The following ACBD6 variants were observed in gnomAD, a reference collection of about 807,000 sequenced individuals.
ACBD6 encodes acyl-CoA-binding domain-containing protein 6.
Under a neutral mutation model 37.2 loss-of-function variants are expected in ACBD6, and 28 were observed. The ratio of observed to expected loss-of-function variants is 0.75; its 90% CI spans 0.56 to 1.03. The LOEUF (loss-of-function observed/expected upper bound fraction) is 1.03, where lower values mean the gene tolerates loss of function less well. Ranked by LOEUF, ACBD6 falls within the 50% of genes least tolerant of loss-of-function variation. The pLI, the probability that ACBD6 is intolerant of heterozygous loss-of-function variation, is 0.00. For missense variants in ACBD6, 340 were observed against 337.4 expected (o/e 1.01, Z -0.06); for synonymous variants, 113 against 126.8 (o/e 0.89, Z 0.73).
At position 180,274,169 on chromosome 1, in the gene ACBD6, G is replaced by A. The variant is rs1047170509; in HGVS notation, c.*937-57C>T. ...TCCTGGCAGCTGACAATAAATCTCC[G>A]TTCTTTTGTCCACAGAGGATCAAAT... On this transcript the variant is annotated intron_variant, in intron 10 of 13. Coordinates refer to the ACBD6 transcript ENST00000642319. 9.3e-6 allele frequency: 15 copies of A among 1,614,148 alleles called. No homozygotes were observed. In the East Asian group the frequency reaches 1.1e-4, roughly 12 times the overall value.
intron 3 of ACBD6, among the ~76,000 whole-genome samples, chr1:180,448,859 T>C (rs60517222): frequency 6.6e-6 from 1 of 152,300 alleles, no homozygotes; most frequent in East Asian, 1.9e-4. Context: ...CTGGTAGCTG[T>C]TGGTGGTTTG....
At chr1:180,301,935 G>C (rs966689048) in intron 7 of ACBD6, among the ~76,000 whole-genome samples, 1 of 151,858 alleles carries the variant, frequency 6.6e-6, no homozygotes, top group African/African-American at 2.4e-5. Flanking sequence ...ATTTAATATT[G>C]CATTTTTACA....
chr1:180,478,962 A>G (rs1006692972), intron 3 of ACBD6, among the ~76,000 whole-genome samples: 1 of 151,988 alleles, frequency 6.6e-6, no homozygotes, highest in Admixed American at 6.6e-5. Context: ...CCCCATCTCT[A>G]CCAAAGAAAA....
chr1:180,297,069 C>T (rs571205162), intron 7 of ACBD6, among the ~76,000 whole-genome samples: 6 of 152,144 alleles, frequency 3.9e-5, no homozygotes, highest in African/African-American at 1.4e-4. Context: ...AGCAGAACTC[C>T]CCAGGGGTTT....
At chr1:180,481,689 T>G (rs182297065) in intron 3 of ACBD6, among the ~76,000 whole-genome samples, 1 of 152,002 alleles carries the variant, frequency 6.6e-6, no homozygotes, top group East Asian at 1.9e-4. Flanking sequence ...ATACTGAGCA[T>G]AAGTTATGCC....
At chr1:180,371,074 T>A (rs1405020453) in intron 6 of ACBD6, among the ~76,000 whole-genome samples, 1 of 152,062 alleles carries the variant, frequency 6.6e-6, no homozygotes, top group Non-Finnish European at 1.5e-5. Flanking sequence ...AACTGAAAAT[T>A]TATCATAGAT....
At chr1:180,318,455 G>A (rs773875806) in intron 6 of ACBD6, among the ~76,000 whole-genome samples, 1 of 151,900 alleles carries the variant, frequency 6.6e-6, no homozygotes, top group Non-Finnish European at 1.5e-5. Context: ...TTTTGATTCT[G>A]GACTATAAGT....
intron 3 of ACBD6, among the ~76,000 whole-genome samples, chr1:180,459,564 T>C (rs1650050261): frequency 1.3e-5 from 2 of 152,228 alleles, no homozygotes; most frequent in Admixed American, 6.5e-5. Context: ...TCACTAATAG[T>C]TGTTAGTACA....
Position 180,413,313 on chromosome 1 carries a change from G to A in ACBD6, c.573+53C>T, listed in dbSNP as rs752660554. The A allele has an allele frequency of 2.0e-4, 280 of 1,397,742 alleles. 1 individual carries two copies. The highest frequency in any genetic ancestry group is 1.0e-4 in the Admixed American group (6 of 59,608). 86.6% of individuals were successfully genotyped at this position (1,397,742 alleles called of 1,614,324 possible). ...GGCCTACCATTTAGGAAAAGGCACTGGGGCAGAACAACCATGCATAGGAAA... is the reference window on the plus strand; with the variant it reads ...GGCCTACCATTTAGGAAAAGGCACTAGGGCAGAACAACCATGCATAGGAAA... On this transcript the variant is annotated intron_variant, in intron 5 of 7. Transcript: ENST00000367595.
At chr1:180,393,880 T>A (rs1019154386) in intron 6 of ACBD6, among the ~76,000 whole-genome samples, 1 of 152,192 alleles carries the variant, frequency 6.6e-6, no homozygotes, top group African/African-American at 2.4e-5. Flanking sequence ...AGATCCGTCC[T>A]AAAAACCTAC....
chr1:180,361,664 C>T (rs146810692), intron 6 of ACBD6, among the ~76,000 whole-genome samples: 428 of 152,196 alleles, frequency 2.8e-3, no homozygotes, highest in Non-Finnish European at 4.8e-3. Flanking sequence ...CTAGCAAAAA[C>T]AGATACTGTA....
intron 1 of ACBD6, among the ~76,000 whole-genome samples, chr1:180,501,101 CAAT>C (rs962083313): frequency 6.6e-6 from 1 of 152,180 alleles, no homozygotes; most frequent in African/African-American, 2.4e-5. Context: ...TCAGGAGCTA[CAAT>C]CCAGTTCTGA....
intron 6 of ACBD6, among the ~76,000 whole-genome samples, chr1:180,356,854 AG>A (rs34791309): frequency 0.85 from 116,480 of 137,034 alleles, 49,985 homozygotes; most frequent in East Asian, 0.96. Flanking sequence ...TTGTCTCAAA[AG>A]AAAAAAAAAA....
chr1:180,291,916 CTAT>C (rs1358844555), intron 7 of ACBD6, among the ~76,000 whole-genome samples: 1 of 152,098 alleles, frequency 6.6e-6, no homozygotes, highest in African/African-American at 2.4e-5. Context: ...TGTTACAGCT[CTAT>C]ACGTTGAAAA....
intron 7 of ACBD6, among the ~76,000 whole-genome samples, chr1:180,292,669 C>G (rs756908638): frequency 6.6e-6 from 1 of 151,512 alleles, no homozygotes; most frequent in Non-Finnish European, 1.5e-5. Flanking sequence ...ACATCACCTA[C>G]GAGAAAAGGA....
intron 3 of ACBD6, among the ~76,000 whole-genome samples, chr1:180,489,069 G>C (rs1261491591): frequency 6.6e-6 from 1 of 152,082 alleles, no homozygotes; most frequent in Non-Finnish European, 1.5e-5. Context: ...AGGAGGCTGA[G>C]GCAGAAGAAT....
intron 3 of ACBD6, among the ~76,000 whole-genome samples, chr1:180,490,763 G>A (rs1393677968): frequency 1.3e-5 from 2 of 149,136 alleles, no homozygotes; most frequent in African/African-American, 5.0e-5. Context: ...TCCAGCCTGG[G>A]CGACAGAGTG....
At chr1:180,467,489 A>C (rs1455023474) in intron 3 of ACBD6, among the ~76,000 whole-genome samples, 4 of 151,494 alleles carry the variant, frequency 2.6e-5, no homozygotes, top group Admixed American at 2.6e-4. Flanking sequence ...CAAACAAACA[A>C]AAAAACTTAA....
chr1:180,347,023 A>AAAAAC (rs143045679), intron 6 of ACBD6, among the ~76,000 whole-genome samples: 2 of 150,454 alleles, frequency 1.3e-5, no homozygotes, highest in Non-Finnish European at 3.0e-5. Flanking sequence ...CTCAATTACA[A>AAAAAC]AAAACAAAAC....
Sources: allele counts gnomAD v4.1 joint callset (sites outside exome capture counted in the v4.1 genomes callset), GRCh38; gene constraint gnomAD v4.1.1; transcripts MANE v1.5; gene names NCBI Gene and HGNC (gene_info 2026-07-23, HGNC 2026-07-21).